The following AMER3 variants were observed in gnomAD, a reference collection of about 807,000 sequenced individuals.
The protein encoded by AMER3 is APC membrane recruitment protein 3, also known as family with sequence similarity 123C.
For synonymous variants in AMER3, 541 were observed against 485.5 expected, an observed-to-expected ratio of 1.11 and a Z score of -1.50; for missense variants, 1,201 against 1,139.4, an observed-to-expected ratio of 1.05 and a Z score of -0.78.
chr2:130,756,085 C>T (rs1207554072), intron 1 of AMER3, among the ~76,000 whole-genome samples: 1 of 151,178 alleles, frequency 6.6e-6, no homozygotes, highest in Admixed American at 6.6e-5. Flanking sequence ...CGAGCGGCGG[C>T]GCAGGGAGGC....
Position 130,766,284 on chromosome 2 carries a change from C to T in AMER3, c.*1626C>T, listed in dbSNP as rs968115402. The T allele has an allele frequency of 1.8e-5, 3 of 166,990 alleles. No individual in the cohort carries two copies. Among genetic ancestry groups the T allele is most frequent in the East Asian group, 1.9e-4 (1 of 5,192 alleles). The allele number at this position is 166,990 out of a possible 1,614,324, so 10.3% of individuals were successfully genotyped here. On this transcript the variant is annotated 3_prime_UTR_variant, in exon 2 of 2. Coordinates refer to ENST00000321420, the MANE Select transcript of AMER3 (RefSeq NM_152698.3). ...CCCACTGAACCGGCCTCAATCTGGC[C>T]CCAGTCTGGCCTACTCGCTGCCCCA...
rs745581923 is a variant in AMER3 at position 130,766,735 on chromosome 2, C to A, written c.*2077C>A. ...CTAAAATGTCTCAAAATCTCCTCAA[C>A]TAAAATGTCTCAAAATCTCAGCCTC... is the stretch of plus-strand genomic sequence containing the variant. On this transcript the variant is annotated 3_prime_UTR_variant, in exon 2 of 2. Coordinates refer to ENST00000321420, the MANE Select transcript of AMER3 (RefSeq NM_152698.3). The A allele has an allele frequency of 1.2e-4, 20 of 163,866 alleles. No homozygotes were observed. Among genetic ancestry groups the A allele is most frequent in the Admixed American group, 2.0e-4 (3 of 15,296 alleles). The allele number at this position is 163,866 out of a possible 1,614,324, so 10.2% of individuals were successfully genotyped here.
intron 1 of AMER3, among the ~76,000 whole-genome samples, chr2:130,761,295 A>G (rs1313318950): frequency 6.6e-6 from 1 of 152,082 alleles, no homozygotes; most frequent in Admixed American, 6.5e-5. Context: ...ACCCTTTCCC[A>G]TTGAACTCAG....
At chr2:130,761,518 A>G (rs2104777574) in intron 1 of AMER3, among the ~76,000 whole-genome samples, 1 of 151,786 alleles carries the variant, frequency 6.6e-6, no homozygotes, top group South Asian at 2.1e-4. Flanking sequence ...GCATCTGTAG[A>G]TAGAGTCTTG....
chr2:130,763,834 G>C lies in AMER3; in HGVS notation c.1762G>C (p.Ala588Pro), dbSNP rs773805721. 1.9e-5 allele frequency: 31 copies of C among 1,613,222 alleles called. No individual in the cohort carries two copies. In the South Asian group the frequency reaches 3.0e-4, roughly 15 times the overall value. ...LAGESKALGG[A>P]TQGTGTLSRD... ...CGGAGAGAGCAAGGCCCTCGGAGGG[G>C]CCACACAAGGGACTGGCACACTGTC... Residue 588 changes from alanine to proline, a missense_variant, in exon 2 of 2, where the codon GCC (alanine) becomes CCC (proline). Ala to Pro is a conservative substitution (Grantham distance 27). Transcript: ENST00000321420.
Position 130,762,482 on chromosome 2 carries a change from C to T in AMER3, c.410C>T (p.Pro137Leu). The stretch of plus-strand genomic sequence containing the variant: ...TACCGCCACTTTGTGCCCCAGATGC[C>T]CTTTGTGCCAGCTGTGGCCAAGAGC... ...IDYRHFVPQM[P>L]FVPAVAKSIP... Residue 137 changes from proline (P) to leucine (L), a missense_variant, in exon 2 of 2, where the codon CCC becomes CTC. Pro to Leu is a moderately conservative substitution (Grantham distance 98). Transcript: ENST00000321420. 6.2e-7 allele frequency: 1 copy of T among 1,613,206 alleles called. No individual in the cohort carries two copies. Among genetic ancestry groups the T allele is most frequent in the Non-Finnish European group, 8.5e-7 (1 of 1,179,998 alleles).
Position 130,764,067 on chromosome 2 carries a change from C to T in AMER3, c.1995C>T (p.Asp665=). Residue 665 remains aspartate, a synonymous_variant, in exon 2 of 2, where the codon GAC becomes GAT. Transcript: ENST00000321420. ...RGPWRPGHGG[D]TLDAEPMLAG... The stretch of plus-strand genomic sequence containing the variant: ...CCTGGAGGCCAGGTCACGGAGGTGA[C>T]ACTCTGGATGCAGAGCCCATGCTGG... 2 of 1,612,174 alleles carry T rather than the reference C, an allele frequency of 1.2e-6. No homozygotes were observed. The highest frequency in any genetic ancestry group is 1.7e-6 in the Non-Finnish European group (2 of 1,179,440).
chr2:130,764,286 C>G lies in AMER3; in HGVS notation c.2214C>G (p.Ala738=). 1 of 1,609,088 alleles carries G rather than the reference C, an allele frequency of 6.2e-7. No homozygotes were observed. Among genetic ancestry groups the G allele is most frequent in the Non-Finnish European group, 8.5e-7 (1 of 1,177,252 alleles). Residue 738 remains alanine, a synonymous_variant, in exon 2 of 2, where the codon GCC becomes GCG. Coordinates refer to ENST00000321420, the MANE Select transcript of AMER3 (RefSeq NM_152698.3). ...MTTIHGLPYS[A]STQDQRCRDR... is the part of the protein sequence containing the mutation. Reference sequence around the variant, plus strand: ...CCATCCATGGCCTACCCTACTCAGCCAGCACACAGGACCAGAGGTGTCGAG... The same window carrying G: ...CCATCCATGGCCTACCCTACTCAGCGAGCACACAGGACCAGAGGTGTCGAG...
rs1678957342 is a variant in AMER3 at position 130,765,461 on chromosome 2, C to T, written c.*803C>T. On this transcript the variant is annotated 3_prime_UTR_variant, in exon 2 of 2. Coordinates refer to ENST00000321420, the MANE Select transcript of AMER3 (RefSeq NM_152698.3). ...GACGAAGTCAATCTATGATGCGTCA[C>T]CACCACACACACAGTTGCCCAAAGA... 6.0e-6 allele frequency: 1 copy of T among 167,134 alleles called. No individual in the cohort carries two copies. The highest frequency in any genetic ancestry group is 2.4e-5 in the African/African-American group (1 of 41,590). 10.4% of individuals were successfully genotyped at this position (167,134 alleles called of 1,614,324 possible). A position where few individuals can be genotyped will look rare whatever the true frequency, so the allele number is the denominator to read the frequency against.
chr2:130,758,394 GGAAA>G (rs940219617), intron 1 of AMER3, among the ~76,000 whole-genome samples: 10 of 147,384 alleles, frequency 6.8e-5, no homozygotes, highest in Non-Finnish European at 1.2e-4. Flanking sequence ...GAGAGAGAAA[GGAAA>G]GGAAGGAAGG....
intron 1 of AMER3, among the ~76,000 whole-genome samples, chr2:130,760,772 A>G (rs1440317021): frequency 6.6e-6 from 1 of 152,100 alleles, no homozygotes; most frequent in East Asian, 1.9e-4. Context: ...CTTCCTGGGT[A>G]CTGAAGGTCT....
intron 1 of AMER3, among the ~76,000 whole-genome samples, chr2:130,758,253 AT>A (rs1248543488): frequency 6.6e-6 from 1 of 152,152 alleles, no homozygotes; most frequent in Non-Finnish European, 1.5e-5. Context: ...AGTCCCAGCT[AT>A]TCAGGAGGCT....
intron 1 of AMER3, among the ~76,000 whole-genome samples, chr2:130,758,895 G>A (rs1678698038): frequency 6.6e-6 from 1 of 152,236 alleles, no homozygotes; most frequent in Non-Finnish European, 1.5e-5. Context: ...TCTGCCCTCA[G>A]GCAGTGACAA....
rs1235180906 is a variant in AMER3 at position 130,762,834 on chromosome 2, C to T, written c.762C>T (p.Phe254=). Residue 254 remains phenylalanine, a synonymous_variant, in exon 2 of 2, where the codon TTC becomes TTT. Coordinates refer to ENST00000321420, the MANE Select transcript of AMER3 (RefSeq NM_152698.3). ...CGCTCACGGGTTGTGGGGAGGTGTT[C>T]GCAGATGAGAGCTCGGTGCCATCTC... is the stretch of plus-strand genomic sequence containing the variant. ...FDSLTGCGEV[F]ADESSVPSLE... 1.9e-6 allele frequency: 3 copies of T among 1,613,360 alleles called. No individual in the cohort carries two copies. The highest frequency in any genetic ancestry group is 1.3e-5 in the African/African-American group (1 of 74,912).
Position 130,762,463 on chromosome 2 carries a change from C to G in AMER3, c.391C>G (p.His131Asp), listed in dbSNP as rs781118923. 5.0e-6 allele frequency: 8 copies of G among 1,613,108 alleles called. No homozygotes were observed. The South Asian group carries it at 7.7e-5, about 15-fold the overall frequency. ...CAGCCGGCGCATGATCGACTACCGC[C>G]ACTTTGTGCCCCAGATGCCCTTTGT... ...PGSRRMIDYR[H>D]FVPQMPFVPA... Residue 131 changes from histidine to aspartate, a missense_variant, in exon 2 of 2, where the codon CAC (histidine) becomes GAC (aspartate). Transcript: ENST00000321420.
In AMER3 at chr2:130,763,236, T is replaced by C. The variant is rs1678856541; in HGVS notation, c.1164T>C (p.Tyr388=). The C allele has an allele frequency of 1.2e-6, 2 of 1,613,788 alleles. No individual in the cohort carries two copies. Among genetic ancestry groups the C allele is most frequent in the African/African-American group, 1.3e-5 (1 of 74,920 alleles). ...TGTCCACAAGTGACGAGGGCTACTA[T>C]GATTCCTTCTCGCCAGGACTTGAGG... ...ESVSTSDEGY[Y]DSFSPGLEED... Residue 388 remains tyrosine, a synonymous_variant, in exon 2 of 2, where the codon TAT becomes TAC. Coordinates refer to ENST00000321420, the MANE Select transcript of AMER3 (RefSeq NM_152698.3).
intron 1 of AMER3, chr2:130,755,955 C>A (rs539456647): frequency 1.0e-3 from 155 of 152,192 alleles, no homozygotes; most frequent in African/African-American, 3.6e-3. Flanking sequence ...GCCGTGCGCA[C>A]GGGGGCGAGG....
At position 130,764,540 on chromosome 2, in the gene AMER3, G is replaced by A. The variant is rs199770925; in HGVS notation, c.2468G>A (p.Gly823Glu). The A allele has an allele frequency of 1.2e-5, 20 of 1,604,116 alleles. No homozygotes were observed. Among genetic ancestry groups the A allele is most frequent in the East Asian group, 2.2e-5 (1 of 44,638 alleles). Residue 823 changes from glycine (G) to glutamate (E), a missense_variant, in exon 2 of 2, where the codon GGG (glycine) becomes GAG (glutamate). Physicochemically the swap from Gly to Glu is moderately conservative, Grantham distance 98 (BLOSUM62 -2). Coordinates refer to ENST00000321420, the MANE Select transcript of AMER3 (RefSeq NM_152698.3). ...LGLTLNSQQE[G>E]GVSASAPECR... ...CTCACTTTGAACAGCCAGCAGGAAG[G>A]GGGGGTCTCTGCAAGTGCCCCAGAA...
At position 130,766,148 on chromosome 2, in the gene AMER3, A is replaced by G. The variant is rs1574046833; in HGVS notation, c.*1490A>G. ...GAGATTTGCGTCTTTCAGTATTTCA[A>G]TGTTGGGGACCAGTGTTTGGGATTA... On this transcript the variant is annotated 3_prime_UTR_variant, in exon 2 of 2. Coordinates refer to ENST00000321420, the MANE Select transcript of AMER3 (RefSeq NM_152698.3). 1 of 166,856 alleles carries G rather than the reference A, an allele frequency of 6.0e-6. No homozygotes were observed. The highest frequency in any genetic ancestry group is 2.4e-5 in the African/African-American group (1 of 41,434). 10.3% of individuals were successfully genotyped at this position (166,856 alleles called of 1,614,324 possible).
Sources: allele counts gnomAD v4.1 joint callset (sites outside exome capture counted in the v4.1 genomes callset), GRCh38; gene constraint gnomAD v4.1.1; transcripts MANE v1.5; gene names NCBI Gene and HGNC (gene_info 2026-07-23, HGNC 2026-07-21).